Variants in PRKCQ observed in about 807,000 individuals in gnomAD.
PRKCQ encodes the protein protein kinase C theta.
In PRKCQ, 41 loss-of-function variants were observed where a neutral mutation model predicts 91.2. The observed-to-expected ratio is 0.45, with a 90% CI of 0.35 to 0.58. The LOEUF (loss-of-function observed/expected upper bound fraction) is 0.58, where lower values mean the gene tolerates loss of function less well. PRKCQ is among the 20% of genes least tolerant of loss of function. The pLI is 0.00. For synonymous variants in PRKCQ, 307 were observed against 316.9 expected (o/e 0.97, Z 0.33); for missense variants, 673 against 896.5 (o/e 0.75, Z 3.18).
chr10:6,415,629 C>T, the PRKCQ span, among the ~76,000 whole-genome samples: 1 of 151,558 alleles, frequency 6.6e-6, no homozygotes, highest in Non-Finnish European at 1.5e-5. Flanking sequence ...TGTAGAATTC[C>T]CTCTGCGCTG....
At chr10:6,423,066 A>T (rs1378900196), downstream of PRKCQ, among the ~76,000 whole-genome samples, 2 of 152,182 alleles carry the variant, frequency 1.3e-5, no homozygotes, top group Non-Finnish European at 2.9e-5. Context: ...TAGAGGTGGG[A>T]GGCATCTCTG....
Position 6,468,888 on chromosome 10 carries a change from G to T in PRKCQ, c.1354-4484C>A, listed in dbSNP as rs553041130. ...CAACTCTTCTTTGGGACATCTCATA[G>T]GACAGCCGATGGAAAGAGTTGGGAA... On this transcript the variant is annotated intron_variant, in intron 12 of 17. Transcript: ENST00000263125. 2.0e-4 allele frequency among the ~76,000 whole-genome samples: 30 copies of T among 152,268 alleles called. No homozygotes were observed. In the South Asian group the frequency reaches 6.0e-3, roughly 31 times the overall value.
chr10:6,449,533 C>T (rs1335329875), intron 15 of PRKCQ, among the ~76,000 whole-genome samples: 1 of 152,086 alleles, frequency 6.6e-6, no homozygotes, highest in Non-Finnish European at 1.5e-5. Flanking sequence ...AGGAGAACTT[C>T]CCCAATCTAG....
Position 6,576,475 on chromosome 10 carries a change from T to C in PRKCQ, c.-10+3736A>G, listed in dbSNP as rs940298522. Among the ~76,000 whole-genome samples the C allele has an allele frequency of 6.6e-6, 1 of 152,230 alleles. No homozygotes were observed. Among genetic ancestry groups the C allele is most frequent in the African/African-American group, 2.4e-5 (1 of 41,458 alleles). On this transcript the variant is annotated intron_variant, in intron 1 of 17. Coordinates refer to ENST00000263125, the MANE Select transcript of PRKCQ (RefSeq NM_006257.5). This position sits in a 1 kb window ranked among gnomAD's most constrained non-coding sequence, Gnocchi z 4.2. ...AAGGATGGATACTGTATTCTGCTTC[T>C]GTGAGGTCCCTAGAGCAGTCAGAAT...
At chr10:6,429,290 T>C (rs944420848) in intron 17 of PRKCQ, among the ~76,000 whole-genome samples, 3 of 152,240 alleles carry the variant, frequency 2.0e-5, no homozygotes, top group Non-Finnish European at 4.4e-5. Flanking sequence ...AGGTGAGACA[T>C]GGTTTAATAG....
At chr10:6,509,792 C>A (rs1014089048) in intron 3 of PRKCQ, among the ~76,000 whole-genome samples, 1 of 152,140 alleles carries the variant, frequency 6.6e-6, no homozygotes, top group Non-Finnish European at 1.5e-5. Context: ...TAAGCATGGG[C>A]CTGAGCACCT....
chr10:6,492,474 C>A (rs969948559), intron 7 of PRKCQ, among the ~76,000 whole-genome samples: 6 of 152,114 alleles, frequency 3.9e-5, no homozygotes, highest in Admixed American at 1.3e-4. Flanking sequence ...CTATTAGTAT[C>A]CTCCTTTGAC....
intron 1 of PRKCQ, among the ~76,000 whole-genome samples, chr10:6,579,920 A>G (rs892363989): frequency 6.6e-6 from 1 of 150,948 alleles, no homozygotes; most frequent in Non-Finnish European, 1.5e-5. Flanking sequence ...TCAGGTGAGA[A>G]GGAAAAGGGA....
chr10:6,516,729 T>A (rs1170852314), intron 1 of PRKCQ, among the ~76,000 whole-genome samples: 1 of 152,124 alleles, frequency 6.6e-6, no homozygotes, highest in Non-Finnish European at 1.5e-5. Context: ...AAGCCAGAGT[T>A]AAAGCACCCT....
downstream of PRKCQ, among the ~76,000 whole-genome samples, chr10:6,423,526 G>A (rs1454884617): frequency 2.0e-5 from 3 of 152,136 alleles, no homozygotes; most frequent in Admixed American, 6.5e-5. Flanking sequence ...GAGTCAGAGA[G>A]AGGAATAACA....
At chr10:6,399,461 C>T in the PRKCQ span, among the ~76,000 whole-genome samples, 13 of 152,294 alleles carry the variant, frequency 8.5e-5, no homozygotes, top group African/African-American at 3.1e-4. Flanking sequence ...AGCCCTTGCC[C>T]TGGAGACAGA....
At chr10:6,575,379 C>T (rs900531533) in intron 1 of PRKCQ, among the ~76,000 whole-genome samples, 6 of 152,180 alleles carry the variant, frequency 3.9e-5, no homozygotes, top group Admixed American at 6.5e-5. Context: ...TTCTAAAAAG[C>T]ATCTGTCCCA....
chr10:6,478,703 C>T (rs1054534803), intron 12 of PRKCQ, among the ~76,000 whole-genome samples: 4 of 152,176 alleles, frequency 2.6e-5, no homozygotes, highest in South Asian at 2.1e-4. Flanking sequence ...CCCTAAGTCA[C>T]GGACTGCTGA....
intron 15 of PRKCQ, among the ~76,000 whole-genome samples, chr10:6,450,260 C>CAA (rs1467941636): frequency 6.9e-6 from 1 of 145,778 alleles, no homozygotes; most frequent in African/African-American, 2.5e-5. Flanking sequence ...AAATGGAAAA[C>CAA]AAAAAAAGGC....
At chr10:6,410,976 CAAAAAAAAA>C in the PRKCQ span, among the ~76,000 whole-genome samples, 1 of 87,554 alleles carries the variant, frequency 1.1e-5, no homozygotes, top group South Asian at 4.2e-4. Context: ...GATTCCGTTT[CAAAAAAAAA>C]AAAAAAAAAA....
chr10:6,565,644 C>T (rs1840813040), intron 1 of PRKCQ, among the ~76,000 whole-genome samples: 1 of 152,128 alleles, frequency 6.6e-6, no homozygotes, highest in Non-Finnish European at 1.5e-5. Context: ...CACTTTTAGT[C>T]GCAGATCTCA....
chr10:6,423,834 G>A (rs1317173255), downstream of PRKCQ, among the ~76,000 whole-genome samples: 1 of 152,198 alleles, frequency 6.6e-6, no homozygotes, highest in Non-Finnish European at 1.5e-5. Context: ...CCTAAGTCCA[G>A]TTAATCCTGT....
At chr10:6,496,132 C>T (rs1837571560) in intron 7 of PRKCQ, among the ~76,000 whole-genome samples, 1 of 147,442 alleles carries the variant, frequency 6.8e-6, no homozygotes, top group South Asian at 2.1e-4. Flanking sequence ...AGGAGAATCT[C>T]TTGATCCTGG....
intron 1 of PRKCQ, among the ~76,000 whole-genome samples, chr10:6,549,922 G>A (rs1035829153): frequency 2.6e-5 from 4 of 151,912 alleles, no homozygotes; most frequent in African/African-American, 7.3e-5. Flanking sequence ...GTGAGCCACC[G>A]CGCCCGGCTG....
Sources: allele counts gnomAD v4.1 joint callset (sites outside exome capture counted in the v4.1 genomes callset), GRCh38; gene constraint gnomAD v4.1.1; non-coding constraint Gnocchi (gnomAD v3.1); transcripts MANE v1.5; gene names NCBI Gene and HGNC (gene_info 2026-07-23, HGNC 2026-07-21).